The following IMPG2 variants were observed in gnomAD, a reference collection of about 807,000 sequenced individuals.
IMPG2 encodes the protein interphotoreceptor matrix proteoglycan 2.
A neutral mutation model predicts 129.2 loss-of-function variants in IMPG2; 91 were observed. That is an observed-to-expected ratio of 0.70 (90% CI 0.59 to 0.84). IMPG2 has a LOEUF of 0.84. IMPG2 is among the 40% of genes least tolerant of loss of function. IMPG2 has a pLI of 0.00. For synonymous variants in IMPG2, 510 were observed against 517.7 expected (o/e 0.99, Z 0.20); for missense variants, 1,430 against 1,461.7 (o/e 0.98, Z 0.35).
rs1706184265 is a variant in IMPG2 at position 101,223,216 on chromosome 3, T to A, written c.*3753A>T. 1 of 152,222 alleles carries A rather than the reference T, an allele frequency of 6.6e-6. No individual in the cohort carries two copies. The highest frequency in any genetic ancestry group is 1.5e-5 in the Non-Finnish European group (1 of 68,036). The allele number at this position is 152,222 out of a possible 1,614,324, so 9.4% of individuals were successfully genotyped here. On this transcript the variant is annotated 3_prime_UTR_variant, in exon 19 of 19. Transcript: ENST00000193391. ...TGACCGTCACATCATTTTTCTGCATTTATTACACAATTGGGAGAATAAGCT... is the reference window on the plus strand; with the variant it reads ...TGACCGTCACATCATTTTTCTGCATATATTACACAATTGGGAGAATAAGCT...
chr3:101,260,811 T>C (rs1576755031), intron 9 of IMPG2, among the ~76,000 whole-genome samples: 1 of 152,172 alleles, frequency 6.6e-6, no homozygotes, highest in Admixed American at 6.5e-5. Flanking sequence ...TCACCAACTA[T>C]ACAGGCACAA....
intron 4 of IMPG2, among the ~76,000 whole-genome samples, chr3:101,285,574 T>C (rs887687954): frequency 5.9e-5 from 9 of 152,306 alleles, no homozygotes; most frequent in Middle Eastern, 3.4e-3. Flanking sequence ...CCTTATTGCA[T>C]GGACTCACAG....
intron 2 of IMPG2, among the ~76,000 whole-genome samples, chr3:101,308,422 T>A (rs991046245): frequency 6.6e-6 from 1 of 152,244 alleles, no homozygotes; most frequent in African/African-American, 2.4e-5. Context: ...TTCTCATACC[T>A]CAATTCTTGA....
chr3:101,260,744 T>G (rs1706660379), intron 9 of IMPG2, among the ~76,000 whole-genome samples: 1 of 152,196 alleles, frequency 6.6e-6, no homozygotes, highest in African/African-American at 2.4e-5. Context: ...AGCTGTCATC[T>G]CCCAGGGAAA....
chr3:101,282,932 A>G (rs1346285184), intron 4 of IMPG2, among the ~76,000 whole-genome samples: 1 of 152,244 alleles, frequency 6.6e-6, no homozygotes, highest in African/African-American at 2.4e-5. Context: ...TCAGAAATTC[A>G]TCAAGGTTAA....
intron 9 of IMPG2, among the ~76,000 whole-genome samples, chr3:101,263,381 A>C (rs1706690594): frequency 6.6e-6 from 1 of 152,094 alleles, no homozygotes; most frequent in East Asian, 1.9e-4. Context: ...ATGGAATTAT[A>C]CTAGAAATCA....
At chr3:101,249,772 T>C (rs1397025801) in intron 11 of IMPG2, among the ~76,000 whole-genome samples, 4 of 148,226 alleles carry the variant, frequency 2.7e-5, no homozygotes, top group Non-Finnish European at 5.9e-5. Context: ...GAGGATAATA[T>C]GACATGTTTC....
At chr3:101,248,180 G>A (rs1177952000) in intron 11 of IMPG2, among the ~76,000 whole-genome samples, 1 of 152,164 alleles carries the variant, frequency 6.6e-6, no homozygotes, top group African/African-American at 2.4e-5. Context: ...CACGTGTTGT[G>A]GGAGGGACCT....
intron 10 of IMPG2, among the ~76,000 whole-genome samples, chr3:101,256,419 C>T (rs1706610974): frequency 6.6e-6 from 1 of 151,954 alleles, no homozygotes; most frequent in African/African-American, 2.4e-5. Flanking sequence ...CTTTGTCTCT[C>T]TCTAAAAATT....
Position 101,244,015 on chromosome 3 carries a change from A to G in IMPG2, c.2316T>C (p.Thr772=), listed in dbSNP as rs1443082067. The change falls in exon 13 of 19, where the codon ACT becomes ACC. Residue 772 remains threonine, a synonymous_variant. Transcript: ENST00000193391. ...CTGATTCTGGCAATATAGTCCACAA[A>G]GTTTGCATATCTGGCTTTACCATTG... The part of the protein sequence containing the change: ...EVSMVKPDMQ[T]LWTILPESER... The G allele has an allele frequency of 6.2e-7, 1 of 1,614,184 alleles. No individual in the cohort carries two copies. Among genetic ancestry groups the G allele is most frequent in the South Asian group, 1.1e-5 (1 of 91,082 alleles).
At chr3:101,243,491 T>C (rs369526070) in intron 13 of IMPG2, 38 bp downstream of exon 13, 4 of 1,588,050 alleles carry the variant, frequency 2.5e-6, no homozygotes, top group African/African-American at 2.7e-5. Flanking sequence ...TCATACATGA[T>C]TATTCACTAG....
intron 9 of IMPG2, among the ~76,000 whole-genome samples, chr3:101,262,566 C>G (rs536186368): frequency 6.6e-6 from 1 of 151,892 alleles, no homozygotes; most frequent in East Asian, 1.9e-4. Flanking sequence ...ACTAGAGACA[C>G]CTGGTACTCA....
intron 11 of IMPG2, among the ~76,000 whole-genome samples, chr3:101,250,562 A>G (rs1706532935): frequency 1.3e-5 from 2 of 152,198 alleles, no homozygotes; most frequent in African/African-American, 4.8e-5. Flanking sequence ...ACACAAAAAA[A>G]GAGAAAAAAA....
At chr3:101,246,311 A>G (rs1706477721) in intron 11 of IMPG2, among the ~76,000 whole-genome samples, 2 of 152,064 alleles carry the variant, frequency 1.3e-5, no homozygotes, top group Non-Finnish European at 2.9e-5. Flanking sequence ...AAAGTATATC[A>G]CCTCTCACCT....
At chr3:101,269,418 C>T in intron 8 of IMPG2, 97 bp downstream of exon 8, 1 of 756,414 alleles carries the variant, frequency 1.3e-6, no homozygotes. Flanking sequence ...GCATTCAAAC[C>T]ATTTATTGTT....
At chr3:101,229,230 A>T in intron 17 of IMPG2, 150 bp downstream of exon 17, 1 of 723,058 alleles carries the variant, frequency 1.4e-6, no homozygotes, top group Admixed American at 2.1e-5. Flanking sequence ...GATACGAGGT[A>T]AAAACCAATT....
At chr3:101,264,521 C>G (rs1706702532) in intron 9 of IMPG2, among the ~76,000 whole-genome samples, 1 of 151,882 alleles carries the variant, frequency 6.6e-6, no homozygotes, top group Admixed American at 6.6e-5. Flanking sequence ...TTAAAACCCT[C>G]AAAAAATTAG....
chr3:101,280,817 C>T (rs1706885307), intron 4 of IMPG2, among the ~76,000 whole-genome samples: 1 of 151,972 alleles, frequency 6.6e-6, no homozygotes. Context: ...GGCATAGTGG[C>T]ACATGCCTGT....
chr3:101,261,062 G>A (rs1706664100), intron 9 of IMPG2, among the ~76,000 whole-genome samples: 1 of 152,094 alleles, frequency 6.6e-6, no homozygotes, highest in African/African-American at 2.4e-5. Flanking sequence ...GTTCGTATTA[G>A]CTTCATATAT....
Sources: allele counts gnomAD v4.1 joint callset (sites outside exome capture counted in the v4.1 genomes callset), GRCh38; gene constraint gnomAD v4.1.1; transcripts MANE v1.5; gene names NCBI Gene and HGNC (gene_info 2026-07-23, HGNC 2026-07-21).